Variants in PRDM15 observed in about 807,000 individuals in gnomAD.
The protein encoded by PRDM15 is PR/SET domain 15.
In PRDM15, 64 loss-of-function variants were observed where a neutral mutation model predicts 128.6. That is an observed-to-expected ratio of 0.50 (90% CI 0.41 to 0.61). The LOEUF (loss-of-function observed/expected upper bound fraction) is 0.61, where lower values mean the gene tolerates loss of function less well. Among genes scored for constraint, PRDM15 ranks in the 20% least tolerant of loss-of-function variants. PRDM15 has a pLI of 0.00. For synonymous variants in PRDM15, 615 were observed against 621.8 expected, an observed-to-expected ratio of 0.99 and a Z score of 0.16; for missense variants, 1,242 against 1,569.1, an observed-to-expected ratio of 0.79 and a Z score of 3.52.
rs1199491787 is a variant in PRDM15 at position 41,799,736 on chromosome 21, C to T, written c.*1504G>A. The T allele has an allele frequency of 2.0e-5, 3 of 152,608 alleles. No homozygotes were observed. Among genetic ancestry groups the T allele is most frequent in the African/African-American group, 7.2e-5 (3 of 41,444 alleles). 9.5% of individuals were successfully genotyped at this position (152,608 alleles called of 1,614,324 possible). On this transcript the variant is annotated 3_prime_UTR_variant, in exon 24 of 24. Coordinates refer to ENST00000398548, the MANE Select transcript of PRDM15 (RefSeq NM_001040424.3). The stretch of plus-strand genomic sequence containing the variant: ...CTCCTGATCAATTACTCAGCCATGC[C>T]AGTGTTTCCTCAAGATGGACTCCCA...
intron 1 of PRDM15, chr21:41,878,732 A>C: frequency 6.4e-7 from 1 of 1,568,416 alleles, no homozygotes; most frequent in Non-Finnish European, 8.6e-7. Context: ...TTGGGGGTCC[A>C]GGGACCCCCC....
At position 41,828,129 on chromosome 21, in the gene PRDM15, C is replaced by G. The variant is rs2062535346; in HGVS notation, c.1534+37G>C. 6.2e-7 allele frequency: 1 copy of G among 1,607,352 alleles called. No homozygotes were observed. Among genetic ancestry groups the G allele is most frequent in the African/African-American group, 1.3e-5 (1 of 74,790 alleles). ...CCCTGCCCCACCCCGCAGGAGCTGC[C>G]TCTCCCCGCCCGCAGCAGGTGCGCA... is the stretch of plus-strand genomic sequence containing the variant. On this transcript the variant is annotated intron_variant, in intron 12 of 23. Transcript: ENST00000398548. This position sits in a 1 kb window ranked among gnomAD's most constrained non-coding sequence, Gnocchi z 5.7.
intron 6 of PRDM15, among the ~76,000 whole-genome samples, chr21:41,841,094 A>G (rs1026750351): frequency 6.6e-6 from 1 of 152,232 alleles, no homozygotes; most frequent in Non-Finnish European, 1.5e-5. Context: ...ATAGGGAAGG[A>G]GGGCTAAACA....
Position 41,859,004 on chromosome 21 carries a change from G to T in PRDM15, c.131+588C>A. ...TCCTCTACAGAGGCCACCGAGGTCC[G>T]GAGAGGAGTGCCTTGTCCAAGCTCA... On this transcript the variant is annotated intron_variant, in intron 3 of 23. Transcript: ENST00000398548. This position sits in a 1 kb window ranked among gnomAD's most constrained non-coding sequence, Gnocchi z 5.3. The T allele has an allele frequency of 4.6e-6, 7 of 1,525,392 alleles. No individual in the cohort carries two copies. The highest frequency in any genetic ancestry group is 6.2e-6 in the Non-Finnish European group (7 of 1,127,898). The allele number at this position is 1,525,392 out of a possible 1,614,324, so 94.5% of individuals were successfully genotyped here.
At chr21:41,840,499 G>A (rs537735059) in intron 6 of PRDM15, among the ~76,000 whole-genome samples, 33 of 150,850 alleles carry the variant, frequency 2.2e-4, no homozygotes, top group East Asian at 5.8e-4. Context: ...TCTGGGAGAC[G>A]TAGCAGAAGC....
intron 14 of PRDM15, 128 bp from the exon 15 acceptor site, chr21:41,822,165 C>A: frequency 7.8e-7 from 1 of 1,281,272 alleles, no homozygotes; most frequent in East Asian, 2.4e-5. Flanking sequence ...GCCCGTGGCG[C>A]CCTAACGAGC....
Position 41,801,732 on chromosome 21 carries a change from TCA to T in PRDM15, c.2944-12_2944-11del. The T allele has an allele frequency of 1.2e-6, 2 of 1,604,806 alleles. No individual in the cohort carries two copies. The highest frequency in any genetic ancestry group is 2.2e-5 in the East Asian group (1 of 44,660). On this transcript the variant is annotated splice_polypyrimidine_tract_variant and intron_variant, in intron 23 of 23. Transcript: ENST00000398548. ...CCAGGGTCACCACTACCTGGAAGAT[TCA>T]CACACAACAAAAATCCGTTCATTTT...
intron 1 of PRDM15, among the ~76,000 whole-genome samples, chr21:41,868,110 A>G (rs1487851241): frequency 6.6e-6 from 1 of 152,050 alleles, no homozygotes; most frequent in African/African-American, 2.4e-5. Context: ...GGCTTTTTCT[A>G]ACTGAAATAA....
intron 22 of PRDM15, among the ~76,000 whole-genome samples, chr21:41,803,372 A>T (rs766192407): frequency 6.6e-6 from 1 of 152,250 alleles, no homozygotes; most frequent in Non-Finnish European, 1.5e-5. Context: ...CTGCAGGGAC[A>T]GGGAACGAGG....
intron 1 of PRDM15, among the ~76,000 whole-genome samples, chr21:41,878,168 A>G (rs1006325509): frequency 2.0e-5 from 3 of 152,254 alleles, no homozygotes; most frequent in Non-Finnish European, 2.9e-5. Context: ...ACCACCCTTC[A>G]GGAACCAAGC....
chr21:41,851,571 G>A (rs982097063), intron 5 of PRDM15, among the ~76,000 whole-genome samples: 15 of 152,200 alleles, frequency 9.9e-5, no homozygotes, highest in African/African-American at 3.4e-4. Context: ...TGGCGGGGGC[G>A]CTGACGCGGC....
In PRDM15 at chr21:41,811,983, A is replaced by C. The variant is rs2061880782; in HGVS notation, c.2393-1147T>G. On this transcript the variant is annotated intron_variant, in intron 19 of 23. Transcript: ENST00000398548. The surrounding 1 kb of genome is among the most constrained non-coding windows in gnomAD (Gnocchi z 4.1). ...CACTGCGACCGGCCTTGACTTTTTA[A>C]AATATTTGATAAGTACTCAGTCAGT... 6.6e-6 allele frequency: 1 copy of C among 152,186 alleles called. No homozygotes were observed. Among genetic ancestry groups the C allele is most frequent in the Non-Finnish European group, 1.5e-5 (1 of 68,058 alleles). 9.4% of individuals were successfully genotyped at this position (152,186 alleles called of 1,614,324 possible). A position where few individuals can be genotyped will look rare whatever the true frequency, so the allele number is the denominator to read the frequency against.
chr21:41,853,472 C>G (rs1370167588), intron 5 of PRDM15, among the ~76,000 whole-genome samples: 2 of 152,056 alleles, frequency 1.3e-5, no homozygotes, highest in East Asian at 3.8e-4. Flanking sequence ...ACATTTGCTC[C>G]CCTGGGTAGT....
In PRDM15 at chr21:41,849,301, C is replaced by T. The variant is rs553931075; in HGVS notation, c.539-2110G>A. On this transcript the variant is annotated intron_variant, in intron 5 of 23. Coordinates refer to ENST00000398548, the MANE Select transcript of PRDM15 (RefSeq NM_001040424.3). ...GTCTCTAAACTGGCGGGAACACTGGCTCATGCCTGTAATCCCAGCGCTTTG... is the reference window on the plus strand; with the variant it reads ...GTCTCTAAACTGGCGGGAACACTGGTTCATGCCTGTAATCCCAGCGCTTTG... 3.3e-5 allele frequency among the ~76,000 whole-genome samples: 5 copies of T among 152,306 alleles called. No homozygotes were observed. In the East Asian group the frequency reaches 7.7e-4, roughly 23 times the overall value.
rs1368014235 is a variant in PRDM15 at position 41,862,967 on chromosome 21, G to A, written c.-9-2595C>T. Among the ~76,000 whole-genome samples, 1 of 152,006 alleles carries A rather than the reference G, an allele frequency of 6.6e-6. No individual in the cohort carries two copies. Among genetic ancestry groups the A allele is most frequent in the Non-Finnish European group, 1.5e-5 (1 of 68,018 alleles). On this transcript the variant is annotated intron_variant, in intron 1 of 23. Coordinates refer to ENST00000398548, the MANE Select transcript of PRDM15 (RefSeq NM_001040424.3). The surrounding 1 kb of genome is among the most constrained non-coding windows in gnomAD (Gnocchi z 4.1). ...GGCGATCACTTCAGGTCAGGAGTTC[G>A]AGACCAGCCTGGCCGACATGGTGAA...
At chr21:41,823,056 A>C in intron 14 of PRDM15, 1 of 392,686 alleles carries the variant, frequency 2.5e-6, no homozygotes, top group African/African-American at 2.1e-5. Context: ...AAAGAATGGG[A>C]TTTGGGCCCT....
rs1159292255 is a variant in PRDM15 at position 41,828,236 on chromosome 21, G to A, written c.1464C>T (p.Ala488=). ...HKKKHGDKKF[A]CEVCSKMFYR... ...AGAACATCTTGCTGCAGACCTCACAGGCAAACTTCTTGTCGCCGTGCTTCT... is the reference window on the plus strand; with the variant it reads ...AGAACATCTTGCTGCAGACCTCACAAGCAAACTTCTTGTCGCCGTGCTTCT... The change falls in exon 12 of 24, where the codon GCC becomes GCT. Residue 488 remains alanine (A), a synonymous_variant. Transcript: ENST00000398548. The surrounding 1 kb of genome is among the most constrained non-coding windows in gnomAD (Gnocchi z 5.7). 2 of 1,614,076 alleles carry A rather than the reference G, an allele frequency of 1.2e-6. No individual in the cohort carries two copies. Among genetic ancestry groups the A allele is most frequent in the Admixed American group, 1.7e-5 (1 of 60,014 alleles).
intron 1 of PRDM15, among the ~76,000 whole-genome samples, chr21:41,868,275 C>T (rs1301678841): frequency 6.6e-6 from 1 of 152,184 alleles, no homozygotes; most frequent in African/African-American, 2.4e-5. Context: ...GGGGCTGTTA[C>T]AAATAAAGCT....
intron 9 of PRDM15, 57 bp downstream of exon 9, chr21:41,836,410 AC>A: frequency 1.9e-6 from 3 of 1,540,588 alleles, no homozygotes; most frequent in Non-Finnish European, 2.7e-6. Flanking sequence ...CTGTCCTCCC[AC>A]CCCCAGCCCC....
Sources: allele counts gnomAD v4.1 joint callset (sites outside exome capture counted in the v4.1 genomes callset), GRCh38; gene constraint gnomAD v4.1.1; non-coding constraint Gnocchi (gnomAD v3.1); transcripts MANE v1.5; gene names NCBI Gene and HGNC (gene_info 2026-07-23, HGNC 2026-07-21).